GBA1: variants seen among roughly 807,000 people sequenced by gnomAD.
GBA1 encodes the protein glucosylceramidase beta 1, also known as lysosomal acid glucosylceramidase.
the GBA1 span, chr1:155,236,102 T>C: frequency 3.5e-4 from 287 of 814,536 alleles, no homozygotes; most frequent in African/African-American, 9.2e-4. Flanking sequence ...AAAGGGAAGA[T>C]AGGGAATCAT....
the GBA1 span, among the ~76,000 whole-genome samples, chr1:155,243,230 A>G: frequency 1.3e-5 from 2 of 152,214 alleles, no homozygotes; most frequent in Non-Finnish European, 2.9e-5. Flanking sequence ...TCACTATGTC[A>G]GTAGCCACCC....
chr1:155,239,961 G>A, the GBA1 span: 175 of 1,613,962 alleles, frequency 1.1e-4, no homozygotes, highest in African/African-American at 2.1e-4. Flanking sequence ...CTCTCATAGC[G>A]GCTGAAGGTA....
At chr1:155,236,587 G>T in the GBA1 span, 1 of 856,090 alleles carries the variant, frequency 1.2e-6, no homozygotes, top group Non-Finnish European at 1.9e-6. Context: ...GAGGTTTGGG[G>T]AGATTTTTTT....
chr1:155,235,245 T>C, the GBA1 span: 104 of 1,613,846 alleles, frequency 6.4e-5, no homozygotes, highest in Middle Eastern at 1.3e-3. Context: ...TCAGTGCCAC[T>C]GCGTCCAGGT....
At chr1:155,236,048 C>A in the GBA1 span, 3 of 731,142 alleles carry the variant, frequency 4.1e-6, no homozygotes, top group Non-Finnish European at 4.8e-6. Context: ...GCAAGTGCCT[C>A]AGTAGTTGCA....
chr1:155,239,042 C>A, the GBA1 span, among the ~76,000 whole-genome samples: 4 of 151,680 alleles, frequency 2.6e-5, no homozygotes, highest in Non-Finnish European at 5.9e-5. Flanking sequence ...CATAGTGAAA[C>A]CCTGTCTCTA....
the GBA1 span, chr1:155,237,418 C>T: frequency 1.1e-5 from 17 of 1,613,886 alleles, no homozygotes; most frequent in Middle Eastern, 5.0e-4. Context: ...GTACTGTTGG[C>T]GAGGGTAGGA....
chr1:155,243,797 C>G, the GBA1 span, among the ~76,000 whole-genome samples: 3 of 151,002 alleles, frequency 2.0e-5, no homozygotes, highest in African/African-American at 7.3e-5. Context: ...TTTTTTGAGA[C>G]GGAGTATCTC....
At chr1:155,237,583 C>G in the GBA1 span, 1 of 1,613,082 alleles carries the variant, frequency 6.2e-7, no homozygotes, top group East Asian at 2.2e-5. Flanking sequence ...AGGAACCTGG[C>G]AAGAGAAAGG....
At chr1:155,238,713 T>C in the GBA1 span, 27 of 1,608,952 alleles carry the variant, frequency 1.7e-5, no homozygotes, top group Non-Finnish European at 2.2e-5. Flanking sequence ...GGACTCTGCT[T>C]ATCACTTGCC....
the GBA1 span, chr1:155,240,519 T>A: frequency 1.1e-6 from 1 of 877,584 alleles, no homozygotes; most frequent in African/African-American, 1.6e-5. Flanking sequence ...CTCAAAAGGA[T>A]TTATTGAGCA....
the GBA1 span, among the ~76,000 whole-genome samples, chr1:155,243,760 A>G: frequency 3.0e-4 from 46 of 151,030 alleles, no homozygotes; most frequent in African/African-American, 1.1e-3. Context: ...CACTGCGCCC[A>G]GTCCGCTTGT....
the GBA1 span, chr1:155,240,010 G>A: frequency 6.2e-7 from 1 of 1,614,120 alleles, no homozygotes. Context: ...AGGAGTCACA[G>A]TATGTGGCAT....
chr1:155,241,824 G>A, the GBA1 span, among the ~76,000 whole-genome samples: 1 of 152,232 alleles, frequency 6.6e-6, no homozygotes, highest in African/African-American at 2.4e-5. Context: ...GCAGTGGGAT[G>A]ACAGGACTGG....
At chr1:155,244,155 T>G in the GBA1 span, 1 of 152,260 alleles carries the variant, frequency 6.6e-6, no homozygotes, top group Non-Finnish European at 1.5e-5. Flanking sequence ...ATCACAGCTG[T>G]TTGGCAGGCC....
chr1:155,236,613 G>GA, the GBA1 span: 17 of 724,816 alleles, frequency 2.3e-5, 1 homozygote, highest in Admixed American at 3.5e-4. Context: ...TTTGAGACAG[G>GA]ATGTCACTCT....
chr1:155,239,217 CAAA>C, the GBA1 span, among the ~76,000 whole-genome samples: 1 of 116,992 alleles, frequency 8.5e-6, no homozygotes. Flanking sequence ...GACTCTGTCT[CAAA>C]AAAAAAAAAA....
At chr1:155,237,890 A>G in the GBA1 span, 2 of 636,056 alleles carry the variant, frequency 3.1e-6, no homozygotes, top group South Asian at 4.0e-5. Context: ...TGACAGAGAG[A>G]GAGACTCCTT....
the GBA1 span, among the ~76,000 whole-genome samples, chr1:155,243,262 A>G: frequency 1.3e-5 from 2 of 152,174 alleles, no homozygotes; most frequent in African/African-American, 4.8e-5. Context: ...CTCACTTTTC[A>G]AGGAAACATT....
Sources: gnomAD v4.1 joint callset for allele counts (sites outside exome capture counted in the v4.1 genomes callset) on GRCh38, gnomAD v4.1.1 for gene constraint, MANE v1.5 for transcripts, NCBI Gene and HGNC (gene_info 2026-07-23, HGNC 2026-07-21) for gene names.